Variants in BAALC observed in about 807,000 individuals in gnomAD.
BAALC encodes BAALC binder of MAP3K1 and KLF4, also known as brain and acute leukemia cytoplasmic protein.
Under a neutral mutation model 15.5 loss-of-function variants are expected in BAALC, and 9 were observed. The ratio of observed to expected loss-of-function variants is 0.58; its 90% CI spans 0.35 to 1.02. BAALC has a LOEUF of 1.02. Ranked by LOEUF, BAALC falls within the 50% of genes least tolerant of loss-of-function variation. BAALC has a pLI of 0.02. For missense variants in BAALC, 201 were observed against 192.4 expected, an observed-to-expected ratio of 1.04 and a Z score of -0.27; for synonymous variants, 80 against 74.6, an observed-to-expected ratio of 1.07 and a Z score of -0.37.
chr8:103,225,930 G>A (rs1270478082), intron 2 of BAALC, among the ~76,000 whole-genome samples: 3 of 152,282 alleles, frequency 2.0e-5, no homozygotes, highest in African/African-American at 7.2e-5. Context: ...CATACATATC[G>A]TTTGCTAATA....
chr8:103,198,169 GGTA>G (rs1480256419), intron 1 of BAALC: 3 of 698,766 alleles, frequency 4.3e-6, no homozygotes, highest in Non-Finnish European at 7.8e-6. Flanking sequence ...GATTTAAAAA[GGTA>G]GGACTTTTTT....
intron 1 of BAALC, among the ~76,000 whole-genome samples, chr8:103,160,327 C>T (rs570014467): frequency 2.0e-5 from 3 of 152,094 alleles, no homozygotes; most frequent in Non-Finnish European, 2.9e-5. Flanking sequence ...TTGGGTATGC[C>T]CTATGTAAAT....
intron 1 of BAALC, chr8:103,172,011 A>G (rs1291688591): frequency 6.6e-6 from 1 of 152,202 alleles, no homozygotes; most frequent in Non-Finnish European, 1.5e-5. Flanking sequence ...TAGAATTGTT[A>G]GTCCAGGAAT....
At chr8:103,225,324 G>T (rs902610524) in intron 2 of BAALC, among the ~76,000 whole-genome samples, 1 of 152,150 alleles carries the variant, frequency 6.6e-6, no homozygotes, top group Non-Finnish European at 1.5e-5. Context: ...CCTATCTCAT[G>T]AAATAAATAG....
chr8:103,166,925 A>C (rs888663453), intron 1 of BAALC, among the ~76,000 whole-genome samples: 2 of 152,216 alleles, frequency 1.3e-5, no homozygotes, highest in Non-Finnish European at 2.9e-5. Context: ...CTCTGAAAAT[A>C]CACATCTTCC....
At chr8:103,226,887 G>T (rs1361996670) in intron 2 of BAALC, among the ~76,000 whole-genome samples, 11 of 152,002 alleles carry the variant, frequency 7.2e-5, no homozygotes, top group Admixed American at 7.2e-4. Flanking sequence ...TACAGATAAG[G>T]GTTAGAGAGT....
At chr8:103,193,046 T>G (rs1474411196) in intron 1 of BAALC, among the ~76,000 whole-genome samples, 1 of 152,178 alleles carries the variant, frequency 6.6e-6, no homozygotes, top group Non-Finnish European at 1.5e-5. Flanking sequence ...TGCAACCCCC[T>G]GGTCTGTTTT....
intron 1 of BAALC, among the ~76,000 whole-genome samples, chr8:103,193,098 A>G (rs970267975): frequency 1.3e-5 from 2 of 152,214 alleles, no homozygotes; most frequent in South Asian, 4.1e-4. Flanking sequence ...ACCAAGTTTC[A>G]GTAGCTAGCC....
chr8:103,177,365 T>C (rs1811630451), intron 1 of BAALC, among the ~76,000 whole-genome samples: 1 of 152,060 alleles, frequency 6.6e-6, no homozygotes, highest in Non-Finnish European at 1.5e-5. Flanking sequence ...TTGTATTTTT[T>C]GTAGAGACGG....
At chr8:103,196,283 ATTG>A (rs1164940136) in intron 1 of BAALC, among the ~76,000 whole-genome samples, 1 of 149,186 alleles carries the variant, frequency 6.7e-6, no homozygotes, top group African/African-American at 2.6e-5. Flanking sequence ...TTTTGTTGTT[ATTG>A]TTATCGTTTT....
At chr8:103,220,145 G>A (rs573194296) in intron 2 of BAALC, among the ~76,000 whole-genome samples, 120 of 152,276 alleles carry the variant, frequency 7.9e-4, no homozygotes, top group Middle Eastern at 3.4e-3. Context: ...ACTTAATGGC[G>A]GAGAATTTAG....
chr8:103,200,908 G>C lies in BAALC; in HGVS notation c.161-12011G>C, dbSNP rs1324370356. On this transcript the variant is annotated intron_variant, in intron 1 of 2. Transcript: ENST00000309982. ...TTAGATTTATACATATGAATTTTGG[G>C]GGGACACCAACATTCAGACCATAGC... The C allele has an allele frequency of 7.8e-5, 36 of 462,304 alleles. No individual in the cohort carries two copies. In the Admixed American group the frequency reaches 1.1e-3, roughly 14 times the overall value. The allele number at this position is 462,304 out of a possible 1,614,324, so 28.6% of individuals were successfully genotyped here. A position where few individuals can be genotyped will look rare whatever the true frequency, so the allele number is the denominator to read the frequency against.
At chr8:103,179,121 T>A (rs911655854) in intron 1 of BAALC, among the ~76,000 whole-genome samples, 8 of 152,226 alleles carry the variant, frequency 5.3e-5, no homozygotes, top group Admixed American at 2.6e-4. Context: ...GTTCTCAGAA[T>A]TGTAAACTGT....
At chr8:103,227,018 C>T (rs1321386569) in intron 2 of BAALC, among the ~76,000 whole-genome samples, 2 of 152,174 alleles carry the variant, frequency 1.3e-5, no homozygotes, top group Non-Finnish European at 2.9e-5. Context: ...TCACATTACC[C>T]TTTGATGGAC....
At chr8:103,196,108 G>C (rs1392862997) in intron 1 of BAALC, among the ~76,000 whole-genome samples, 1 of 152,154 alleles carries the variant, frequency 6.6e-6, no homozygotes, top group Admixed American at 6.5e-5. Context: ...GTCCTATAAG[G>C]CTGGAGCATA....
At chr8:103,183,394 C>G in intron 1 of BAALC, 1 of 702,986 alleles carries the variant, frequency 1.4e-6, no homozygotes. Context: ...TTTGCACTTG[C>G]CTGGAGAGAC....
intron 1 of BAALC, among the ~76,000 whole-genome samples, chr8:103,194,667 T>A (rs1221446142): frequency 6.6e-6 from 1 of 152,202 alleles, no homozygotes; most frequent in Non-Finnish European, 1.5e-5. Flanking sequence ...CACAAATTTG[T>A]TTCACACAGT....
chr8:103,202,264 G>A (rs960020278), intron 1 of BAALC, among the ~76,000 whole-genome samples: 3 of 152,198 alleles, frequency 2.0e-5, no homozygotes, highest in South Asian at 2.1e-4. Context: ...GGCCTTTAAA[G>A]AGGTAATTAA....
chr8:103,169,951 C>T (rs923582545), intron 1 of BAALC, among the ~76,000 whole-genome samples: 1 of 152,156 alleles, frequency 6.6e-6, no homozygotes, highest in African/African-American at 2.4e-5. Flanking sequence ...GGCTTCCATT[C>T]CTGAGTTCCT....
Sources: gnomAD v4.1 joint callset for allele counts (sites outside exome capture counted in the v4.1 genomes callset) on GRCh38, gnomAD v4.1.1 for gene constraint, MANE v1.5 for transcripts, NCBI Gene and HGNC (gene_info 2026-07-23, HGNC 2026-07-21) for gene names.